FLT1: variants seen among roughly 807,000 people sequenced by gnomAD.
FLT1 encodes the protein fms related receptor tyrosine kinase 1, also known as vascular endothelial growth factor receptor 1.
Under a neutral mutation model 156.3 loss-of-function variants are expected in FLT1, and 49 were observed. The ratio of observed to expected loss-of-function variants is 0.31; its 90% CI spans 0.25 to 0.40. The LOEUF (loss-of-function observed/expected upper bound fraction) is 0.40. Ranked by LOEUF, FLT1 falls within the 10% of genes least tolerant of loss-of-function variation. The probability of loss-of-function intolerance (pLI) is 1.00; values close to 1 mark genes in which losing one functional copy is unlikely to be tolerated. For missense variants in FLT1, 1,322 were observed against 1,637.2 expected, an observed-to-expected ratio of 0.81 and a Z score of 3.32; for synonymous variants, 594 against 583.8, an observed-to-expected ratio of 1.02 and a Z score of -0.25.
chr13:28,429,986 G>C lies in FLT1; in HGVS notation c.1106+64C>G, dbSNP rs55896954. On this transcript the variant is annotated intron_variant, in intron 8 of 29. Coordinates refer to ENST00000282397, the MANE Select transcript of FLT1 (RefSeq NM_002019.4). ...TTTTGTCAGGAATTCGAGTCATTAG[G>C]CTCTTGCAGCTTCCCACTTACAAAG... The C allele has an allele frequency of 8.0e-3, 8,437 of 1,052,770 alleles. 40 individuals are homozygous for C. The highest frequency in any genetic ancestry group is 0.011 in the Non-Finnish European group (7,411 of 666,822). 65.2% of individuals were successfully genotyped at this position (1,052,770 alleles called of 1,614,324 possible).
At chr13:28,379,738 A>C (rs1173954521) in intron 14 of FLT1, among the ~76,000 whole-genome samples, 4 of 152,162 alleles carry the variant, frequency 2.6e-5, no homozygotes, top group Non-Finnish European at 5.9e-5. Context: ...TTCCTGCTTG[A>C]TGCCCTTTGG....
intron 3 of FLT1, among the ~76,000 whole-genome samples, chr13:28,448,737 T>C (rs975896489): frequency 3.0e-4 from 45 of 152,262 alleles, no homozygotes; most frequent in Middle Eastern, 6.8e-3. Context: ...TTTAAATGGG[T>C]GTGGTATGTA....
At chr13:28,480,584 G>A (rs1880777341) in intron 1 of FLT1, among the ~76,000 whole-genome samples, 1 of 152,076 alleles carries the variant, frequency 6.6e-6, no homozygotes, top group Non-Finnish European at 1.5e-5. Flanking sequence ...GAAATAGCAG[G>A]GTCTCTTTCT....
chr13:28,386,182 T>C (rs1424341295), intron 13 of FLT1: 2 of 1,054,600 alleles, frequency 1.9e-6, no homozygotes, highest in Non-Finnish European at 2.3e-6. Flanking sequence ...ACAAAGATGA[T>C]ACATTGCAAT....
At chr13:28,357,756 GCCTTCTTC>G (rs1292750833) in intron 14 of FLT1, 71 bp from the exon 15 acceptor site, 53 of 1,383,660 alleles carry the variant, frequency 3.8e-5, no homozygotes, top group Admixed American at 8.4e-5. Context: ...CTGTAACACA[GCCTTCTTC>G]CTATCATTAT....
chr13:28,467,462 G>T, intron 2 of FLT1, 59 bp downstream of exon 2: 1 of 1,124,716 alleles, frequency 8.9e-7, no homozygotes, highest in Non-Finnish European at 1.3e-6. Context: ...CTCTGCCAGG[G>T]AATGATTTTG....
chr13:28,388,234 C>T, intron 13 of FLT1: 2 of 1,057,514 alleles, frequency 1.9e-6, no homozygotes, highest in Non-Finnish European at 2.3e-6. Context: ...TTTGGGGCTC[C>T]ATAAAACTGG....
intron 14 of FLT1, chr13:28,368,121 TA>T: frequency 1.4e-6 from 1 of 709,038 alleles, no homozygotes; most frequent in Non-Finnish European, 1.7e-6. Flanking sequence ...TTTAATAGAA[TA>T]AAAAGTGAAT....
At chr13:28,432,310 C>G (rs572541855) in intron 6 of FLT1, among the ~76,000 whole-genome samples, 1 of 152,188 alleles carries the variant, frequency 6.6e-6, no homozygotes, top group African/African-American at 2.4e-5. Context: ...TTTTACTTCC[C>G]CATTGGAACA....
At position 28,322,622 on chromosome 13, in the gene FLT1, T is replaced by C. The variant is rs1871509913; in HGVS notation, c.2953+168A>G. ...AAACGGTACAGTTCCCTGTCAAAAT[T>C]AGTAACTCTGTAAATTATCTTAATT... On this transcript the variant is annotated intron_variant, in intron 21 of 29. Coordinates refer to ENST00000282397, the MANE Select transcript of FLT1 (RefSeq NM_002019.4). This position sits in a 1 kb window ranked among gnomAD's most constrained non-coding sequence, Gnocchi z 4.3. The C allele has an allele frequency of 2.6e-6, 2 of 761,600 alleles. No individual in the cohort carries two copies. The highest frequency in any genetic ancestry group is 2.1e-5 in the Admixed American group (1 of 48,672). The allele number at this position is 761,600 out of a possible 1,614,324, so 47.2% of individuals were successfully genotyped here. A position where few individuals can be genotyped will look rare whatever the true frequency, so the allele number is the denominator to read the frequency against.
chr13:28,469,374 C>A (rs557853509), intron 1 of FLT1, among the ~76,000 whole-genome samples: 35 of 152,304 alleles, frequency 2.3e-4, no homozygotes, highest in African/African-American at 8.2e-4. Context: ...TCCTCTCCAG[C>A]GTTTCTCTTG....
chr13:28,313,596 G>A (rs146618682), intron 25 of FLT1, among the ~76,000 whole-genome samples: 20 of 152,202 alleles, frequency 1.3e-4, no homozygotes, highest in East Asian at 3.9e-4. Flanking sequence ...CACACCTCTC[G>A]CCTACCACAG....
chr13:28,364,577 C>A (rs1873220581), intron 14 of FLT1, among the ~76,000 whole-genome samples: 1 of 152,002 alleles, frequency 6.6e-6, no homozygotes, highest in Non-Finnish European at 1.5e-5. Flanking sequence ...TTTTAATTGA[C>A]CTAGATTTTC....
intron 16 of FLT1, among the ~76,000 whole-genome samples, chr13:28,340,703 C>T (rs931371679): frequency 9.2e-5 from 14 of 152,206 alleles, no homozygotes; most frequent in African/African-American, 3.4e-4. Flanking sequence ...AGCCCTTACT[C>T]ACTCTGTTCT....
chr13:28,357,170 G>A (rs903292640), intron 15 of FLT1, among the ~76,000 whole-genome samples: 2 of 152,114 alleles, frequency 1.3e-5, no homozygotes, highest in African/African-American at 2.4e-5. Flanking sequence ...TTAAGTGTGC[G>A]AGTTCCCCCT....
chr13:28,473,258 TCCTAGGTATCTA>T (rs1228974530), intron 1 of FLT1, among the ~76,000 whole-genome samples: 1 of 152,128 alleles, frequency 6.6e-6, no homozygotes, highest in Non-Finnish European at 1.5e-5. Context: ...GCAATTGCAC[TCCTAGGTATCTA>T]CCCAAGACAG....
chr13:28,330,591 TATATATATATATATATCATATATATATG>T (rs1358295044), intron 18 of FLT1, among the ~76,000 whole-genome samples: 2 of 10,304 alleles, frequency 1.9e-4, no homozygotes, highest in African/African-American at 2.5e-4. Flanking sequence ...AGAGGTCCTA[TATATATATATATATATCATATATATATG>T]ATATATATGA....
At chr13:28,367,176 C>G (rs902894290) in intron 14 of FLT1, among the ~76,000 whole-genome samples, 1 of 152,152 alleles carries the variant, frequency 6.6e-6, no homozygotes, top group Non-Finnish European at 1.5e-5. Flanking sequence ...AAAATTCTGT[C>G]AGTTAATTTT....
At chr13:28,321,000 G>T (rs922246241) in intron 23 of FLT1, among the ~76,000 whole-genome samples, 8 of 152,146 alleles carry the variant, frequency 5.3e-5, no homozygotes, top group African/African-American at 1.7e-4. Context: ...GGCCATGGGA[G>T]GTAAACAGTC....
Sources: allele counts gnomAD v4.1 joint callset (sites outside exome capture counted in the v4.1 genomes callset), GRCh38; gene constraint gnomAD v4.1.1; non-coding constraint Gnocchi (gnomAD v3.1); transcripts MANE v1.5; gene names NCBI Gene and HGNC (gene_info 2026-07-23, HGNC 2026-07-21).